Variants in ZEB1 observed in about 807,000 individuals in gnomAD.
ZEB1 encodes the protein zinc finger E-box-binding homeobox 1.
A neutral mutation model predicts 84.9 loss-of-function variants in ZEB1; 21 were observed. The ratio of observed to expected loss-of-function variants is 0.25; its 90% CI spans 0.18 to 0.36. The LOEUF (loss-of-function observed/expected upper bound fraction) is 0.36. ZEB1 is among the 10% of genes least tolerant of loss of function. The pLI is 1.00. For missense variants in ZEB1, 1,104 were observed against 1,330.2 expected (o/e 0.83, Z 2.65); for synonymous variants, 420 against 471.1 (o/e 0.89, Z 1.41).
intron 1 of ZEB1, among the ~76,000 whole-genome samples, chr10:31,423,150 G>GA (rs1359478375): frequency 6.6e-6 from 1 of 151,938 alleles, no homozygotes; most frequent in Non-Finnish European, 1.5e-5. Flanking sequence ...TGTAAAATTA[G>GA]AAGTGCTTCA....
chr10:31,499,012 G>A (rs541697528), intron 3 of ZEB1, among the ~76,000 whole-genome samples: 91 of 151,980 alleles, frequency 6.0e-4, no homozygotes, highest in African/African-American at 1.7e-3. Flanking sequence ...TTATAACTGA[G>A]TTGCTCAGTT....
intron 1 of ZEB1, among the ~76,000 whole-genome samples, chr10:31,382,522 A>G (rs1421517825): frequency 6.6e-6 from 1 of 152,128 alleles, no homozygotes; most frequent in Non-Finnish European, 1.5e-5. Context: ...CTTAAAGGAT[A>G]TTTGTTCAGT....
intron 1 of ZEB1, among the ~76,000 whole-genome samples, chr10:31,322,863 G>A (rs2132990590): frequency 6.6e-6 from 1 of 151,562 alleles, no homozygotes; most frequent in Middle Eastern, 3.4e-3. Flanking sequence ...ATTTCCCCTT[G>A]CTGTCATTGG....
intron 2 of ZEB1, among the ~76,000 whole-genome samples, chr10:31,494,526 A>T (rs2066963892): frequency 6.6e-6 from 1 of 152,026 alleles, no homozygotes; most frequent in African/African-American, 2.4e-5. Context: ...TTACTTGATT[A>T]GTGCTCTATT....
chr10:31,348,244 A>G (rs1444377328), intron 1 of ZEB1, among the ~76,000 whole-genome samples: 1 of 152,204 alleles, frequency 6.6e-6, no homozygotes, highest in African/African-American at 2.4e-5. Flanking sequence ...TGCACAAAAC[A>G]TGATTTGCTC....
chr10:31,474,304 C>T (rs948088476), intron 2 of ZEB1, among the ~76,000 whole-genome samples: 12 of 151,516 alleles, frequency 7.9e-5, no homozygotes, highest in African/African-American at 2.7e-4. Flanking sequence ...TTTTTGCAAC[C>T]TACTCATCTG....
At chr10:31,385,528 CT>C (rs1336509902) in intron 1 of ZEB1, among the ~76,000 whole-genome samples, 2 of 147,920 alleles carry the variant, frequency 1.4e-5, no homozygotes, top group African/African-American at 5.0e-5. Context: ...TTTTCTTTTT[CT>C]TTTCTTTTTT....
intron 1 of ZEB1, among the ~76,000 whole-genome samples, chr10:31,340,194 C>T (rs1351552834): frequency 6.6e-6 from 1 of 152,050 alleles, no homozygotes; most frequent in African/African-American, 2.4e-5. Flanking sequence ...AATGAATTAT[C>T]TAGGATGATT....
At chr10:31,458,664 A>G (rs1234520762) in intron 1 of ZEB1, among the ~76,000 whole-genome samples, 1 of 152,080 alleles carries the variant, frequency 6.6e-6, no homozygotes, top group Non-Finnish European at 1.5e-5. Flanking sequence ...AACAGTATCT[A>G]CTTCATAAGT....
At chr10:31,369,768 G>A (rs2045362701) in intron 1 of ZEB1, among the ~76,000 whole-genome samples, 1 of 152,026 alleles carries the variant, frequency 6.6e-6, no homozygotes, top group South Asian at 2.1e-4. Context: ...TTTTTTTGGG[G>A]GAAACTTCCA....
chr10:31,389,336 A>G (rs1015400735), intron 1 of ZEB1, among the ~76,000 whole-genome samples: 6 of 152,150 alleles, frequency 3.9e-5, no homozygotes, highest in African/African-American at 1.4e-4. Flanking sequence ...TTTGATTTTC[A>G]TGTGTACATA....
chr10:31,342,735 T>C (rs1037284803), intron 1 of ZEB1, among the ~76,000 whole-genome samples: 1 of 152,174 alleles, frequency 6.6e-6, no homozygotes, highest in Non-Finnish European at 1.5e-5. Context: ...AGGTTAGATC[T>C]GGTTTGCTGA....
intron 1 of ZEB1, among the ~76,000 whole-genome samples, chr10:31,447,280 C>G (rs1235170311): frequency 6.7e-6 from 1 of 148,762 alleles, no homozygotes; most frequent in Admixed American, 6.7e-5. Flanking sequence ...GATCTTCCTC[C>G]ATCCTTTTAT....
intron 2 of ZEB1, among the ~76,000 whole-genome samples, chr10:31,488,197 C>T (rs1344244524): frequency 6.6e-6 from 1 of 150,732 alleles, no homozygotes; most frequent in African/African-American, 2.4e-5. Context: ...GAAAGTTGGT[C>T]CTGGAGTTTT....
chr10:31,523,856 T>C (rs954836588), intron 7 of ZEB1, 77 bp from the exon 8 acceptor site: 2 of 1,510,280 alleles, frequency 1.3e-6, no homozygotes, highest in African/African-American at 2.8e-5. Context: ...AGTAGTTCTT[T>C]ATCTCATGCT....
intron 2 of ZEB1, among the ~76,000 whole-genome samples, chr10:31,463,251 T>C (rs1462353942): frequency 2.6e-5 from 4 of 152,164 alleles, no homozygotes; most frequent in African/African-American, 4.8e-5. Flanking sequence ...GTGAACAGGT[T>C]CTGCTTCTGA....
chr10:31,321,851 G>T, intron 1 of ZEB1: 1 of 355,788 alleles, frequency 2.8e-6, no homozygotes, highest in Non-Finnish European at 5.2e-6. Context: ...AACTTGTGCA[G>T]GTAGAAAAAA....
At chr10:31,325,470 C>G (rs1374648353) in intron 1 of ZEB1, among the ~76,000 whole-genome samples, 2 of 152,026 alleles carry the variant, frequency 1.3e-5, no homozygotes, top group Non-Finnish European at 2.9e-5. Context: ...CACATTTCTC[C>G]TCCTAATCAA....
intron 1 of ZEB1, among the ~76,000 whole-genome samples, chr10:31,388,986 G>A (rs545367974): frequency 1.3e-5 from 2 of 152,004 alleles, no homozygotes; most frequent in Non-Finnish European, 2.9e-5. Context: ...CTTTTTTAAA[G>A]TGAGTTTTGT....
Sources: allele counts gnomAD v4.1 joint callset (sites outside exome capture counted in the v4.1 genomes callset), GRCh38; gene constraint gnomAD v4.1.1; transcripts MANE v1.5; gene names NCBI Gene and HGNC (gene_info 2026-07-23, HGNC 2026-07-21).